The following CACNA1C variants were observed in gnomAD, a reference collection of about 807,000 sequenced individuals.
The protein encoded by CACNA1C is voltage-dependent L-type calcium channel subunit alpha-1C.
In CACNA1C, 30 loss-of-function variants were observed where a neutral mutation model predicts 229.0. That is an observed-to-expected ratio of 0.13 (90% CI 0.10 to 0.18). The LOEUF (loss-of-function observed/expected upper bound fraction) is 0.18. Among genes scored for constraint, CACNA1C ranks in the 10% least tolerant of loss-of-function variants. The probability of loss-of-function intolerance (pLI) is 1.00; values close to 1 mark genes in which losing one functional copy is unlikely to be tolerated. For missense variants in CACNA1C, 1,658 were observed against 2,845.0 expected, an observed-to-expected ratio of 0.58 and a Z score of 9.49; for synonymous variants, 1,114 against 1,132.5, an observed-to-expected ratio of 0.98 and a Z score of 0.33.
At chr12:2,040,485 A>G (rs1182769262) in intron 1 of CACNA1C, among the ~76,000 whole-genome samples, 1 of 152,232 alleles carries the variant, frequency 6.6e-6, no homozygotes, top group Non-Finnish European at 1.5e-5. Flanking sequence ...AAGAAATGTG[A>G]GAGAATTTTG....
At chr12:2,642,399 C>T (rs1026954040) in intron 30 of CACNA1C, among the ~76,000 whole-genome samples, 2 of 152,174 alleles carry the variant, frequency 1.3e-5, no homozygotes, top group African/African-American at 4.8e-5. Context: ...TTGTACCTGG[C>T]CAGTGTCTGA....
chr12:2,684,720 G>A (rs909026287), intron 43 of CACNA1C, among the ~76,000 whole-genome samples: 12 of 152,188 alleles, frequency 7.9e-5, no homozygotes, highest in African/African-American at 2.7e-4. Flanking sequence ...AAGGTGAAAT[G>A]GAAGCTGGAT....
intron 30 of CACNA1C, chr12:2,641,736 G>A (rs2093720213): frequency 2.8e-6 from 2 of 702,586 alleles, no homozygotes; most frequent in Non-Finnish European, 5.2e-6. Flanking sequence ...TCAACCTGCA[G>A]GTGGAATGTT....
chr12:2,452,041 T>G (rs1162354447), intron 4 of CACNA1C, among the ~76,000 whole-genome samples: 1 of 152,188 alleles, frequency 6.6e-6, no homozygotes. Flanking sequence ...GGTAGCCCTT[T>G]GCTTCCCTGT....
chr12:2,558,876 A>G (rs767787280), intron 11 of CACNA1C, among the ~76,000 whole-genome samples: 22 of 152,280 alleles, frequency 1.4e-4, no homozygotes, highest in Middle Eastern at 3.4e-3. Context: ...CCTCATCTAC[A>G]TAAAACATCT....
intron 11 of CACNA1C, among the ~76,000 whole-genome samples, chr12:2,561,426 C>T (rs574225694): frequency 8.9e-4 from 135 of 152,336 alleles, no homozygotes; most frequent in Non-Finnish European, 1.7e-3. Flanking sequence ...GTGCTAGCTA[C>T]TGAGTATCTG....
At chr12:2,472,166 G>A (rs749996582) in intron 5 of CACNA1C, among the ~76,000 whole-genome samples, 100 of 152,188 alleles carry the variant, frequency 6.6e-4, no homozygotes, top group Non-Finnish European at 1.1e-3. Context: ...TTCAAGTTCG[G>A]GACTTTTGGG....
chr12:2,109,079 C>G (rs1454037952), intron 1 of CACNA1C, among the ~76,000 whole-genome samples: 1 of 152,154 alleles, frequency 6.6e-6, no homozygotes, highest in Non-Finnish European at 1.5e-5. Flanking sequence ...GGCTGCTCAC[C>G]CTCTCTAAAT....
intron 10 of CACNA1C, among the ~76,000 whole-genome samples, chr12:2,553,310 G>A (rs762411322): frequency 3.3e-5 from 5 of 152,218 alleles, no homozygotes; most frequent in Admixed American, 6.5e-5. Flanking sequence ...ACTGCAAACC[G>A]TAGGTCCATG....
chr12:2,311,783 T>G (rs2095450191), intron 3 of CACNA1C, among the ~76,000 whole-genome samples: 1 of 152,236 alleles, frequency 6.6e-6, no homozygotes, highest in African/African-American at 2.4e-5. Flanking sequence ...GAGAATAATT[T>G]TGTAACTTCA....
chr12:2,438,296 G>A (rs558170766), intron 3 of CACNA1C, among the ~76,000 whole-genome samples: 10 of 148,188 alleles, frequency 6.7e-5, no homozygotes, highest in Non-Finnish European at 1.5e-4. Context: ...AATGATGGTG[G>A]TGGTGGTGGT....
At chr12:1,993,525 C>T (rs1324437814) in intron 1 of CACNA1C, 19 of 1,041,020 alleles carry the variant, frequency 1.8e-5, no homozygotes, top group South Asian at 8.2e-5. Context: ...AGCCTGTACA[C>T]GTACTTCTTC....
At chr12:2,373,750 A>G (rs890893695) in intron 3 of CACNA1C, among the ~76,000 whole-genome samples, 2 of 152,106 alleles carry the variant, frequency 1.3e-5, no homozygotes, top group African/African-American at 4.8e-5. Context: ...CTTCAAGCCC[A>G]TTTTCCTTTT....
intron 1 of CACNA1C, chr12:2,011,327 C>T (rs1222808534): frequency 6.6e-6 from 1 of 152,120 alleles, no homozygotes; most frequent in Non-Finnish European, 1.5e-5. Context: ...TTGGATGTGG[C>T]TGATTTCACA....
At chr12:2,064,572 C>T (rs1159149453) in intron 1 of CACNA1C, among the ~76,000 whole-genome samples, 2 of 152,174 alleles carry the variant, frequency 1.3e-5, no homozygotes, top group East Asian at 3.9e-4. Context: ...ACCTGCTCCT[C>T]ATACATCTAA....
chr12:2,650,873 C>A (rs2094887816), intron 31 of CACNA1C, among the ~76,000 whole-genome samples: 1 of 152,178 alleles, frequency 6.6e-6, no homozygotes, highest in African/African-American at 2.4e-5. Context: ...CCTTACGCTG[C>A]CCCTCTCCCT....
intron 3 of CACNA1C, among the ~76,000 whole-genome samples, chr12:2,199,123 ACACCATCCCCT>A (rs1175644629): frequency 7.2e-5 from 11 of 151,930 alleles, no homozygotes; most frequent in Non-Finnish European, 1.6e-4. Context: ...TGCCTTCCCC[ACACCATCCCCT>A]CAACTCCCCT....
At chr12:2,157,125 T>C (rs1423190879) in intron 3 of CACNA1C, among the ~76,000 whole-genome samples, 2 of 152,194 alleles carry the variant, frequency 1.3e-5, no homozygotes, top group Admixed American at 6.5e-5. Context: ...GTTTGTATTC[T>C]TAGAAAATGC....
chr12:2,324,583 C>T (rs1435946069), intron 3 of CACNA1C, among the ~76,000 whole-genome samples: 1 of 152,244 alleles, frequency 6.6e-6, no homozygotes, highest in African/African-American at 2.4e-5. Flanking sequence ...GCTGCACCTG[C>T]TGGAGCAGGC....
Sources: gnomAD v4.1 joint callset for allele counts (sites outside exome capture counted in the v4.1 genomes callset) on GRCh38, gnomAD v4.1.1 for gene constraint, MANE v1.5 for transcripts, NCBI Gene and HGNC (gene_info 2026-07-23, HGNC 2026-07-21) for gene names.